The following TPCN2 variants were observed in gnomAD, a reference collection of about 807,000 sequenced individuals.
TPCN2 encodes the protein two pore channel protein 2.
A neutral mutation model predicts 111.4 loss-of-function variants in TPCN2; 92 were observed. The observed-to-expected ratio is 0.83, with a 90% confidence interval of 0.70 to 0.98. The LOEUF (loss-of-function observed/expected upper bound fraction) is 0.98. Among genes scored for constraint, TPCN2 ranks in the 50% least tolerant of loss-of-function variants. The pLI is 0.00. For missense variants in TPCN2, 995 were observed against 980.1 expected (o/e 1.02, Z -0.20); for synonymous variants, 405 against 414.5 (o/e 0.98, Z 0.28).
chr11:69,083,542 G>A (rs1856136483), intron 18 of TPCN2, among the ~76,000 whole-genome samples: 2 of 152,200 alleles, frequency 1.3e-5, no homozygotes. Context: ...GCGTCTCCAG[G>A]CCACAGAGTA....
chr11:69,088,023 A>G lies in TPCN2; in HGVS notation c.*70A>G. On this transcript the variant is annotated 3_prime_UTR_variant, in exon 25 of 25. Coordinates refer to ENST00000294309, the MANE Select transcript of TPCN2 (RefSeq NM_139075.4). ...GGCCTACACAGGTGCCCGTCATGGA[A>G]GAGGCGGCCATGCTGTGGCCAGCCA... 7.2e-7 allele frequency: 1 copy of G among 1,385,184 alleles called. No individual in the cohort carries two copies. Among genetic ancestry groups the G allele is most frequent in the Non-Finnish European group, 9.9e-7 (1 of 1,012,094 alleles). The allele number at this position is 1,385,184 out of a possible 1,614,324, so 85.8% of individuals were successfully genotyped here.
At chr11:69,064,683 C>T (rs1032320353) in intron 7 of TPCN2, among the ~76,000 whole-genome samples, 5 of 152,214 alleles carry the variant, frequency 3.3e-5, no homozygotes, top group Non-Finnish European at 5.9e-5. Flanking sequence ...GCTCAGCCTG[C>T]GCTGCTGTTC....
At chr11:69,081,241 C>T (rs1053432209) in intron 17 of TPCN2, among the ~76,000 whole-genome samples, 159 bp from the exon 18 acceptor site, 1 of 152,068 alleles carries the variant, frequency 6.6e-6, no homozygotes, top group Admixed American at 6.5e-5. Context: ...CTCTCGCCAC[C>T]CTGCAGAGGC....
chr11:69,089,212 G>A lies in TPCN2; in HGVS notation c.*1259G>A, dbSNP rs3376. On this transcript the variant is annotated 3_prime_UTR_variant, in exon 25 of 25. Transcript: ENST00000294309. ...GGGAGAGGAGCGAGTCCAAGGAGAA[G>A]GTCATGAGTTTCTTTTTACTCGTGT... The A allele has an allele frequency of 0.28, 42,055 of 152,054 alleles. 6,154 individuals are homozygous for A. The highest frequency in any genetic ancestry group is 0.46 in the South Asian group (2,198 of 4,816). 9.4% of individuals were successfully genotyped at this position (152,054 alleles called of 1,614,324 possible). A position where few individuals can be genotyped will look rare whatever the true frequency, so the allele number is the denominator to read the frequency against.
chr11:69,055,588 C>T (rs1399649292), intron 4 of TPCN2, among the ~76,000 whole-genome samples: 1 of 152,146 alleles, frequency 6.6e-6, no homozygotes, highest in Non-Finnish European at 1.5e-5. Context: ...AGCTCTCCTC[C>T]CTCTCCACCA....
intron 4 of TPCN2, 23 bp from the exon 5 acceptor site, chr11:69,057,555 T>C: frequency 6.2e-7 from 1 of 1,605,620 alleles, no homozygotes; most frequent in South Asian, 1.1e-5. Context: ...TACTTGCTGC[T>C]CACCCGCCCG....
rs1340228058 is a variant in TPCN2 at position 69,067,511 on chromosome 11, T to C, written c.735T>C (p.Asp245=). ...MLLFAGGKQD[D]GQDRERLTYF... ...GCCGCTTCTGCTCTTAGCAGGATGA[T>C]GGGCAGGACAGGGAGAGGCTGACCT... is the stretch of plus-strand genomic sequence containing the variant. Residue 245 remains aspartate, a synonymous_variant, in exon 8 of 25, where the codon GAT becomes GAC. Transcript: ENST00000294309. 14 of 1,613,360 alleles carry C rather than the reference T, an allele frequency of 8.7e-6. No individual in the cohort carries two copies. Among genetic ancestry groups the C allele is most frequent in the Non-Finnish European group, 1.1e-5 (13 of 1,179,924 alleles).
intron 7 of TPCN2, among the ~76,000 whole-genome samples, chr11:69,064,306 TC>T (rs1855165108): frequency 2.2e-4 from 2 of 9,036 alleles, no homozygotes; most frequent in African/African-American, 8.3e-4. Flanking sequence ...CCCCCGCCCC[TC>T]CCCGCCCTTC....
At chr11:69,081,645 G>C in intron 18 of TPCN2, 146 bp downstream of exon 18, 1 of 568,220 alleles carries the variant, frequency 1.8e-6, no homozygotes, top group Non-Finnish European at 3.1e-6. Flanking sequence ...GCTCTCTGCC[G>C]TGCTCTTGTG....
intron 22 of TPCN2, among the ~76,000 whole-genome samples, 188 bp from the exon 23 acceptor site, chr11:69,086,335 G>A (rs1351869737): frequency 6.6e-6 from 1 of 152,208 alleles, no homozygotes; most frequent in Non-Finnish European, 1.5e-5. Context: ...AGCTACCTCG[G>A]CAGCTTGTTG....
At chr11:69,084,706 C>T in intron 19 of TPCN2, 2 of 985,414 alleles carry the variant, frequency 2.0e-6, no homozygotes, top group Non-Finnish European at 2.4e-6. Context: ...GAAGGTGTCT[C>T]TGGGGCCGCA....
intron 19 of TPCN2, chr11:69,084,729 C>T: frequency 2.0e-6 from 2 of 985,424 alleles, no homozygotes; most frequent in Non-Finnish European, 2.4e-6. Context: ...GTGCTCTGGG[C>T]TGGACCCCAG....
intron 13 of TPCN2, among the ~76,000 whole-genome samples, chr11:69,074,683 AT>A (rs1855678958): frequency 6.6e-6 from 1 of 152,184 alleles, no homozygotes; most frequent in South Asian, 2.1e-4. Context: ...ATTATCTATT[AT>A]GTCTAAATTG....
chr11:69,085,355 G>A (rs1039052377), intron 20 of TPCN2, 69 bp downstream of exon 20: 31 of 1,414,632 alleles, frequency 2.2e-5, no homozygotes, highest in African/African-American at 4.2e-5. Context: ...AGCCTTGGCG[G>A]TGGCCTCAGT....
intron 17 of TPCN2, 50 bp downstream of exon 17, chr11:69,079,933 C>T (rs769014884): frequency 6.3e-7 from 1 of 1,582,728 alleles, no homozygotes; most frequent in African/African-American, 1.3e-5. Context: ...AGCACCACCA[C>T]CCAGCGCCCC....
Position 69,085,256 on chromosome 11 carries a change from G to A in TPCN2, c.1808G>A (p.Gly603Asp), listed in dbSNP as rs1358595306. 1 of 1,614,044 alleles carries A rather than the reference G, an allele frequency of 6.2e-7. No individual in the cohort carries two copies. The highest frequency in any genetic ancestry group is 1.7e-5 in the Admixed American group (1 of 60,024). ...FAIIGINLFRGVIVALPGNSS... is the reference protein window; with the variant it reads ...FAIIGINLFRDVIVALPGNSS... ...ATCATTGGGATCAACTTGTTTAGAG[G>A]CGTCATTGTGGCTCTTCCTGGAAAC... The change falls in exon 20 of 25, where the codon GGC becomes GAC. Residue 603 changes from glycine to aspartate, a missense_variant. Gly to Asp is a moderately conservative substitution (Grantham distance 94). Coordinates refer to ENST00000294309, the MANE Select transcript of TPCN2 (RefSeq NM_139075.4).
chr11:69,063,964 G>A lies in TPCN2; in HGVS notation c.723G>A (p.Gly241=), dbSNP rs1481098656. The part of the protein sequence containing the change: ...TMFGMLLFAG[G]KQDDGQDRER... ...TCGGAATGCTGCTGTTCGCTGGTGG[G>A]AAGGTAGGGCACCCGTGGTCAGGGT... Residue 241 remains glycine, a synonymous_variant, in exon 7 of 25, where the codon GGG becomes GGA. Coordinates refer to ENST00000294309, the MANE Select transcript of TPCN2 (RefSeq NM_139075.4). 6.2e-7 allele frequency: 1 copy of A among 1,614,074 alleles called. No individual in the cohort carries two copies. The highest frequency in any genetic ancestry group is 1.1e-5 in the South Asian group (1 of 91,070).
Position 69,085,704 on chromosome 11 carries a change from GAGCTTCGAGC to G in TPCN2, c.1877_1886del (p.Phe626TrpfsTer21), listed in dbSNP as rs746314370. On this transcript the variant is annotated frameshift_variant, in exon 21 of 25. Transcript: ENST00000294309. LOFTEE classifies it high-confidence loss of function. ...CTGCCAATGGCTCGGCGCCCTGTGG[GAGCTTCGAGC>G]AGCTGGAGTACTGGGCCAACAACTT... 5.0e-6 allele frequency: 8 copies of G among 1,613,914 alleles called. No homozygotes were observed. In the East Asian group the frequency reaches 1.8e-4, roughly 36 times the overall value.
At chr11:69,084,092 G>A (rs1856163068) in intron 19 of TPCN2, 76 bp downstream of exon 19, 8 of 1,447,306 alleles carry the variant, frequency 5.5e-6, no homozygotes, top group Admixed American at 5.1e-5. Flanking sequence ...AGGCAGTGCC[G>A]GGCCGGCTCA....
Sources: allele counts gnomAD v4.1 joint callset (sites outside exome capture counted in the v4.1 genomes callset), GRCh38; gene constraint gnomAD v4.1.1; transcripts MANE v1.5; gene names NCBI Gene and HGNC (gene_info 2026-07-23, HGNC 2026-07-21).